The following AMER3 variants were observed in gnomAD, a reference collection of about 807,000 sequenced individuals.
AMER3 encodes the protein family with sequence similarity 123C.
For missense variants in AMER3, 1,201 were observed against 1,139.4 expected, an observed-to-expected ratio of 1.05 and a Z score of -0.78; for synonymous variants, 541 against 485.5, an observed-to-expected ratio of 1.11 and a Z score of -1.50.
rs370720942 is a variant in AMER3, at chr2:130,764,363, T to G, written c.2291T>G (p.Val764Gly). Residue 764 changes from valine (V) to glycine (G), a missense_variant, in exon 2 of 2, where the codon GTC becomes GGC. Physicochemically the swap from Val to Gly is moderately radical, Grantham distance 109. Coordinates refer to ENST00000321420, the MANE Select transcript of AMER3 (RefSeq NM_152698.3). ...WLRVEPTGLG[V>G]QAWASVEDQP... The stretch of plus-strand genomic sequence containing the variant: ...AGGGTGGAGCCCACCGGGCTAGGTG[T>G]CCAGGCCTGGGCCTCTGTGGAGGAC... 6.2e-7 allele frequency: 1 copy of G among 1,612,026 alleles called. No individual in the cohort carries two copies. Among genetic ancestry groups the G allele is most frequent in the Non-Finnish European group, 8.5e-7 (1 of 1,179,130 alleles).
At position 130,763,740 on chromosome 2, in the gene AMER3, G is replaced by C. The variant is rs187906804; in HGVS notation, c.1668G>C (p.Gly556=). The change falls in exon 2 of 2, where the codon GGG becomes GGC. Residue 556 remains glycine, a synonymous_variant. Coordinates refer to ENST00000321420, the MANE Select transcript of AMER3 (RefSeq NM_152698.3). ...GREGLASDAG[G]ATVCSAPSRQ... ...AGGGCCTGGCCTCAGATGCAGGGGGGGCGACAGTTTGCTCAGCACCCAGCA... is the reference window on the plus strand; with the variant it reads ...AGGGCCTGGCCTCAGATGCAGGGGGCGCGACAGTTTGCTCAGCACCCAGCA... The C allele has an allele frequency of 1.9e-6, 3 of 1,585,346 alleles. No homozygotes were observed. The highest frequency in any genetic ancestry group is 8.6e-7 in the Non-Finnish European group (1 of 1,166,884).
Position 130,763,225 on chromosome 2 carries a change from G to A in AMER3, c.1153G>A (p.Glu385Lys). Reference sequence around the variant, plus strand: ...GCCCGAATCCGTGTCCACAAGTGACGAGGGCTACTATGATTCCTTCTCGCC... The same window carrying A: ...GCCCGAATCCGTGTCCACAAGTGACAAGGGCTACTATGATTCCTTCTCGCC... Reference protein sequence around the residue: ...EQPESVSTSDEGYYDSFSPGL... With the variant: ...EQPESVSTSDKGYYDSFSPGL... Residue 385 changes from glutamate (E) to lysine (K), a missense_variant, in exon 2 of 2, where the codon GAG becomes AAG. Transcript: ENST00000321420. 1.9e-6 allele frequency: 3 copies of A among 1,613,842 alleles called. No individual in the cohort carries two copies. The highest frequency in any genetic ancestry group is 2.5e-6 in the Non-Finnish European group (3 of 1,180,022).
intron 1 of AMER3, among the ~76,000 whole-genome samples, chr2:130,757,334 C>T (rs1041089551): frequency 2.0e-5 from 3 of 152,206 alleles, no homozygotes; most frequent in Non-Finnish European, 2.9e-5. Context: ...ACAGAGGAGT[C>T]TCTGCCACCA....
At chr2:130,758,105 G>T (rs1005855466) in intron 1 of AMER3, among the ~76,000 whole-genome samples, 1 of 152,028 alleles carries the variant, frequency 6.6e-6, no homozygotes, top group South Asian at 2.1e-4. Flanking sequence ...CTGCACTCCA[G>T]CCTGGGCGAC....
rs1558971324 is a variant in AMER3, at chr2:130,766,417, A to G, written c.*1759A>G. 10 of 167,016 alleles carry G rather than the reference A, an allele frequency of 6.0e-5. No individual in the cohort carries two copies. The allele number at this position is 167,016 out of a possible 1,614,324, so 10.3% of individuals were successfully genotyped here. On this transcript the variant is annotated 3_prime_UTR_variant, in exon 2 of 2. Transcript: ENST00000321420. Reference sequence around the variant, plus strand: ...ATAACTGTGACCAGATCATTTATAAAGTAAAGAAGTTTATTTGGCTTGTAA... The same window carrying G: ...ATAACTGTGACCAGATCATTTATAAGGTAAAGAAGTTTATTTGGCTTGTAA...
rs377188387 is a variant in AMER3, at chr2:130,764,099, G to A, written c.2027G>A (p.Cys676Tyr). 7 of 1,611,450 alleles carry A rather than the reference G, an allele frequency of 4.3e-6. No individual in the cohort carries two copies. The South Asian group carries it at 7.7e-5, about 18-fold the overall frequency. The change falls in exon 2 of 2, where the codon TGT becomes TAT. Residue 676 changes from cysteine (C) to tyrosine (Y), a missense_variant. Cys to Tyr is a radical substitution (Grantham distance 194, BLOSUM62 -2). Coordinates refer to ENST00000321420, the MANE Select transcript of AMER3 (RefSeq NM_152698.3). Reference sequence around the variant, plus strand: ...GATGCAGAGCCCATGCTGGCAGGCTGTGTGGCCCGTGTGGCAGCCCTGAAG... The same window carrying A: ...GATGCAGAGCCCATGCTGGCAGGCTATGTGGCCCGTGTGGCAGCCCTGAAG... The part of the protein sequence containing the change: ...TLDAEPMLAG[C>Y]VARVAALKIS...
rs138384631 is a variant in AMER3, at chr2:130,762,423, C to T, written c.351C>T (p.Phe117=). The T allele has an allele frequency of 4.8e-3, 7,776 of 1,612,510 alleles. 26 individuals are homozygous for T. The highest frequency in any genetic ancestry group is 6.0e-3 in the Non-Finnish European group (7,122 of 1,179,810). The change falls in exon 2 of 2, where the codon TTC becomes TTT. Residue 117 remains phenylalanine (F), a synonymous_variant. Coordinates refer to ENST00000321420, the MANE Select transcript of AMER3 (RefSeq NM_152698.3). The part of the protein sequence containing the change: ...ATGQLVGSAS[F]PGSPGSRRMI... ...GGCAGCTGGTGGGCAGTGCAAGCTTCCCGGGCTCCCCGGGCAGCCGGCGCA... is the reference window on the plus strand; with the variant it reads ...GGCAGCTGGTGGGCAGTGCAAGCTTTCCGGGCTCCCCGGGCAGCCGGCGCA...
Position 130,763,764 on chromosome 2 carries a change from C to G in AMER3, c.1692C>G (p.Ser564Arg), listed in dbSNP as rs147731545. ...AGGATVCSAP[S>R]RQELWAHPGT... is the part of the protein sequence containing the mutation. The stretch of plus-strand genomic sequence containing the variant: ...GGGCGACAGTTTGCTCAGCACCCAG[C>G]AGGCAGGAGCTGTGGGCACACCCGG... The change falls in exon 2 of 2, where the codon AGC becomes AGG. Residue 564 changes from serine (S) to arginine (R), a missense_variant. Coordinates refer to ENST00000321420, the MANE Select transcript of AMER3 (RefSeq NM_152698.3). 6.3e-7 allele frequency: 1 copy of G among 1,598,370 alleles called. No individual in the cohort carries two copies. Among genetic ancestry groups the G allele is most frequent in the African/African-American group, 1.3e-5 (1 of 74,556 alleles).
chr2:130,767,002 CT>C lies in AMER3; in HGVS notation c.*2348del, dbSNP rs1679001356. ...CGGCTCTGCCTGCAAGTAACAAAGGCTTTTGACTCCACTCCCTCCACGCTGT... is the reference window on the plus strand; with the variant it reads ...CGGCTCTGCCTGCAAGTAACAAAGGCTTTGACTCCACTCCCTCCACGCTGT... On this transcript the variant is annotated 3_prime_UTR_variant, in exon 2 of 2. Coordinates refer to ENST00000321420, the MANE Select transcript of AMER3 (RefSeq NM_152698.3). 1 of 167,110 alleles carries C rather than the reference CT, an allele frequency of 6.0e-6. No individual in the cohort carries two copies. The highest frequency in any genetic ancestry group is 1.5e-5 in the Non-Finnish European group (1 of 68,150). The allele number at this position is 167,110 out of a possible 1,614,324, so 10.4% of individuals were successfully genotyped here.
In AMER3 at chr2:130,762,238, A is replaced by G; in HGVS notation, c.166A>G (p.Ser56Gly). 1 of 1,578,908 alleles carries G rather than the reference A, an allele frequency of 6.3e-7. No individual in the cohort carries two copies. The highest frequency in any genetic ancestry group is 8.6e-7 in the Non-Finnish European group (1 of 1,163,098). Residue 56 changes from serine to glycine, a missense_variant, in exon 2 of 2, where the codon AGC (serine) becomes GGC (glycine). By Grantham distance (56) the Ser-to-Gly change is moderately conservative. Coordinates refer to ENST00000321420, the MANE Select transcript of AMER3 (RefSeq NM_152698.3). Reference protein sequence around the residue: ...RPHSEKGPQASPSAQEYDRCP... With the variant: ...RPHSEKGPQAGPSAQEYDRCP... ...CCACAGTGAGAAGGGCCCCCAAGCC[A>G]GCCCCAGTGCCCAAGAATACGACAG...
Position 130,764,433 on chromosome 2 carries a change from C to T in AMER3, c.2361C>T (p.His787=), listed in dbSNP as rs759678765. ...LSTEAVEQVA[H]GSQLDSEPRS... ...CAGAGGCTGTGGAGCAGGTGGCACA[C>T]GGCAGCCAGCTGGACTCTGAGCCCC... Residue 787 remains histidine, a synonymous_variant, in exon 2 of 2, where the codon CAC becomes CAT. Coordinates refer to ENST00000321420, the MANE Select transcript of AMER3 (RefSeq NM_152698.3). 37 of 1,607,184 alleles carry T rather than the reference C, an allele frequency of 2.3e-5. No homozygotes were observed. The highest frequency in any genetic ancestry group is 1.1e-4 in the South Asian group (10 of 90,184).
rs996162497 is a variant in AMER3 at position 130,764,690 on chromosome 2, G to C, written c.*32G>C. On this transcript the variant is annotated 3_prime_UTR_variant, in exon 2 of 2. Transcript: ENST00000321420. ...CTCACATGCACCAGGAACTGCATGT[G>C]TCTTCATGACCACTTTCAGGAGAGC... The C allele has an allele frequency of 6.5e-7, 1 of 1,547,512 alleles. No homozygotes were observed. Among genetic ancestry groups the C allele is most frequent in the African/African-American group, 1.4e-5 (1 of 72,610 alleles).
rs1678966279 is a variant in AMER3 at position 130,765,764 on chromosome 2, CCTT to C, written c.*1110_*1112del. The C allele has an allele frequency of 1.2e-5, 2 of 167,162 alleles. No homozygotes were observed. The highest frequency in any genetic ancestry group is 3.9e-4 in the East Asian group (2 of 5,182). 10.4% of individuals were successfully genotyped at this position (167,162 alleles called of 1,614,324 possible). ...CAGCTCTGAGAGAGAGACCAGTTTGCCTTCTTTATTTGTTCTCCCTGGGCCTCA... is the reference window on the plus strand; with the variant it reads ...CAGCTCTGAGAGAGAGACCAGTTTGCCTTTATTTGTTCTCCCTGGGCCTCA... On this transcript the variant is annotated 3_prime_UTR_variant, in exon 2 of 2. Coordinates refer to ENST00000321420, the MANE Select transcript of AMER3 (RefSeq NM_152698.3).
chr2:130,762,506 G>T lies in AMER3; in HGVS notation c.434G>T (p.Ser145Ile), dbSNP rs1678818072. The T allele has an allele frequency of 1.2e-6, 2 of 1,613,356 alleles. No homozygotes were observed. Among genetic ancestry groups the T allele is most frequent in the African/African-American group, 1.3e-5 (1 of 75,060 alleles). ...QMPFVPAVAK[S>I]IPRKRISLKR... Reference sequence around the variant, plus strand: ...CCCTTTGTGCCAGCTGTGGCCAAGAGCATCCCGAGGAAGAGGATTTCCCTG... The same window carrying T: ...CCCTTTGTGCCAGCTGTGGCCAAGATCATCCCGAGGAAGAGGATTTCCCTG... Residue 145 changes from serine to isoleucine, a missense_variant, in exon 2 of 2, where the codon AGC becomes ATC. By Grantham distance (142) the Ser-to-Ile change is moderately radical (BLOSUM62 -2). Coordinates refer to ENST00000321420, the MANE Select transcript of AMER3 (RefSeq NM_152698.3).
At position 130,763,246 on chromosome 2, in the gene AMER3, T is replaced by A. The variant is rs1678857025; in HGVS notation, c.1174T>A (p.Ser392Thr). 11 of 1,613,762 alleles carry A rather than the reference T, an allele frequency of 6.8e-6. No individual in the cohort carries two copies. The highest frequency in any genetic ancestry group is 8.5e-6 in the Non-Finnish European group (10 of 1,179,994). Reference protein sequence around the residue: ...TSDEGYYDSFSPGLEEDKKEA... With the variant: ...TSDEGYYDSFTPGLEEDKKEA... ...TGACGAGGGCTACTATGATTCCTTCTCGCCAGGACTTGAGGAGGACAAGAA... is the reference window on the plus strand; with the variant it reads ...TGACGAGGGCTACTATGATTCCTTCACGCCAGGACTTGAGGAGGACAAGAA... Residue 392 changes from serine to threonine, a missense_variant, in exon 2 of 2, where the codon TCG becomes ACG. Transcript: ENST00000321420.
intron 1 of AMER3, among the ~76,000 whole-genome samples, chr2:130,758,155 AC>A (rs1352916003): frequency 1.3e-5 from 2 of 149,776 alleles, no homozygotes; most frequent in Non-Finnish European, 3.0e-5. Context: ...AAAACAAAAA[AC>A]CCACCATCCT....
At chr2:130,759,950 CT>C (rs1331562835) in intron 1 of AMER3, among the ~76,000 whole-genome samples, 1 of 152,230 alleles carries the variant, frequency 6.6e-6, no homozygotes, top group Non-Finnish European at 1.5e-5. Flanking sequence ...TGAGCCACAG[CT>C]TGGAGAGTAA....
In AMER3 at chr2:130,759,559, C is replaced by T. The variant is rs759385735; in HGVS notation, c.-19-2495C>T. Among the ~76,000 whole-genome samples, 11 of 152,190 alleles carry T rather than the reference C, an allele frequency of 7.2e-5. No homozygotes were observed. The South Asian group carries it at 1.0e-3, about 14-fold the overall frequency. The stretch of plus-strand genomic sequence containing the variant: ...TCATAATGAATATTTCCAAAATTTC[C>T]TGCCATAGGAATTATTATTACCTTC... On this transcript the variant is annotated intron_variant, in intron 1 of 1. Transcript: ENST00000321420.
At position 130,763,045 on chromosome 2, in the gene AMER3, C is replaced by A. The variant is rs766746775; in HGVS notation, c.973C>A (p.Leu325Ile). Residue 325 changes from leucine to isoleucine, a missense_variant, in exon 2 of 2, where the codon CTA (leucine) becomes ATA (isoleucine). Coordinates refer to ENST00000321420, the MANE Select transcript of AMER3 (RefSeq NM_152698.3). Reference sequence around the variant, plus strand: ...AGTGCGTCAGCAGCAGCGTGCCCTCCTAGGCCCGTGGCTTTCAGGCCCCCA... The same window carrying A: ...AGTGCGTCAGCAGCAGCGTGCCCTCATAGGCCCGTGGCTTTCAGGCCCCCA... The part of the protein sequence containing the change: ...RSVRQQQRAL[L>I]GPWLSGPQGT... The A allele has an allele frequency of 6.2e-7, 1 of 1,613,410 alleles. No homozygotes were observed.
Sources: gnomAD v4.1 joint callset for allele counts (sites outside exome capture counted in the v4.1 genomes callset) on GRCh38, gnomAD v4.1.1 for gene constraint, MANE v1.5 for transcripts, NCBI Gene and HGNC (gene_info 2026-07-23, HGNC 2026-07-21) for gene names.